LAMA3: variants seen among roughly 807,000 people sequenced by gnomAD.
LAMA3 encodes laminin subunit alpha 3.
A neutral mutation model predicts 402.0 loss-of-function variants in LAMA3; 281 were observed. That is an observed-to-expected ratio of 0.70 (90% CI 0.63 to 0.77). LAMA3 has a LOEUF of 0.77. Among genes scored for constraint, LAMA3 ranks in the 30% least tolerant of loss-of-function variants. The probability of loss-of-function intolerance (pLI) is 0.00; values close to 1 mark genes in which losing one functional copy is unlikely to be tolerated. For missense variants in LAMA3, 3,840 were observed against 4,215.5 expected, an observed-to-expected ratio of 0.91 and a Z score of 2.47; for synonymous variants, 1,431 against 1,558.4, an observed-to-expected ratio of 0.92 and a Z score of 1.93.
rs201657216 is a variant in LAMA3, at chr18:23,840,377, C to CTTTTTTTTTTTTTTTTTTTTTTTTTT, written c.3336+451_3336+452insTTTTTTTTTTTTTTTTTTTTTTTTTT. Among the ~76,000 whole-genome samples, 4 of 79,514 alleles carry CTTTTTTTTTTTTTTTTTTTTTTTTTT rather than the reference C, an allele frequency of 5.0e-5. 2 individuals are homozygous for CTTTTTTTTTTTTTTTTTTTTTTTTTT. The highest frequency in any genetic ancestry group is 1.2e-4 in the African/African-American group (2 of 17,258). The allele number at this position is 79,514 out of a possible 152,430, so 52.2% of individuals were successfully genotyped here. ...ATAGTTATTGTAGCCAAGAACCTTT[C>CTTTTTTTTTTTTTTTTTTTTTTTTTT]TTTCTTTTTTTTTTTTTTTTTTTGA... On this transcript the variant is annotated intron_variant, in intron 27 of 74. Transcript: ENST00000313654.
intron 67 of LAMA3, among the ~76,000 whole-genome samples, chr18:23,937,320 C>T (rs968591730): frequency 1.4e-5 from 2 of 141,650 alleles, no homozygotes; most frequent in African/African-American, 5.4e-5. Context: ...GAGCTGAGAT[C>T]GCGCCACTGC....
At chr18:23,881,854 A>G in intron 39 of LAMA3, 82 bp from the exon 40 acceptor site, 3 of 881,150 alleles carry the variant, frequency 3.4e-6, no homozygotes, top group Non-Finnish European at 5.6e-6. Context: ...AGTTGTAGTC[A>G]TGTGACTAAG....
chr18:23,747,659 A>C (rs543499616), intron 2 of LAMA3, among the ~76,000 whole-genome samples: 1 of 152,140 alleles, frequency 6.6e-6, no homozygotes, highest in Non-Finnish European at 1.5e-5. Context: ...GATACACTGT[A>C]GACTGGTTGC....
At chr18:23,853,220 C>G (rs1484017598) in intron 32 of LAMA3, among the ~76,000 whole-genome samples, 1 of 152,132 alleles carries the variant, frequency 6.6e-6, no homozygotes, top group Non-Finnish European at 1.5e-5. Context: ...ATTTTGGGCT[C>G]TAGGTTAAAA....
At chr18:23,751,420 T>A (rs2061751087) in intron 5 of LAMA3, among the ~76,000 whole-genome samples, 1 of 152,196 alleles carries the variant, frequency 6.6e-6, no homozygotes, top group Non-Finnish European at 1.5e-5. Context: ...TTCTTGCTCC[T>A]ATTACAGTTT....
chr18:23,690,886 T>TATTG (rs2060575241), intron 1 of LAMA3, among the ~76,000 whole-genome samples: 1 of 141,992 alleles, frequency 7.0e-6, no homozygotes, highest in Admixed American at 6.8e-5. Context: ...TTTATTTATT[T>TATTG]ATTTATTTAT....
At chr18:23,843,971 T>C (rs534266045) in intron 29 of LAMA3, among the ~76,000 whole-genome samples, 1 of 152,342 alleles carries the variant, frequency 6.6e-6, no homozygotes, top group South Asian at 2.1e-4. Context: ...AATTTGTCTT[T>C]CTGCAAAGCC....
intron 2 of LAMA3, among the ~76,000 whole-genome samples, chr18:23,742,824 G>T (rs1330541756): frequency 6.6e-6 from 1 of 152,156 alleles, no homozygotes; most frequent in Admixed American, 6.5e-5. Flanking sequence ...ATTATGAAAT[G>T]CTACCTTGTG....
intron 7 of LAMA3, among the ~76,000 whole-genome samples, chr18:23,761,250 T>C (rs1202999690): frequency 6.6e-6 from 1 of 152,228 alleles, no homozygotes; most frequent in African/African-American, 2.4e-5. Context: ...TGCTGAGAAC[T>C]ATGCTCTATT....
At position 23,905,574 on chromosome 18, in the gene LAMA3, G is replaced by A; in HGVS notation, c.6668G>A (p.Ser2223Asn). ...PRKAKTLSSN[S>N]DKLLNEAKMT... ...AAAGCTAAAACCCTGAGTTCCAACA[G>A]TGATAAACTGTTAAATGAAGCCAAG... Residue 2223 changes from serine to asparagine, a missense_variant, in exon 52 of 75, where the codon AGT becomes AAT. Physicochemically the swap from Ser to Asn is conservative, Grantham distance 46. Transcript: ENST00000313654. 1.2e-6 allele frequency: 2 copies of A among 1,612,152 alleles called. No homozygotes were observed. Among genetic ancestry groups the A allele is most frequent in the Non-Finnish European group, 1.7e-6 (2 of 1,178,626 alleles).
rs187379959 is a variant in LAMA3 at position 23,867,335 on chromosome 18, T to C, written c.4684-499T>C. Among the ~76,000 whole-genome samples the C allele has an allele frequency of 4.5e-3, 687 of 152,168 alleles. 20 individuals carry two copies. Among genetic ancestry groups the C allele is most frequent in the Admixed American group, 0.042 (645 of 15,286 alleles). On this transcript the variant is annotated intron_variant, in intron 36 of 74. Transcript: ENST00000313654. ...ACTGCGGGAGGCCAAGACAGGTGGATCACTTGAGGTCAGGAGTTTGATACC... is the reference window on the plus strand; with the variant it reads ...ACTGCGGGAGGCCAAGACAGGTGGACCACTTGAGGTCAGGAGTTTGATACC...
chr18:23,802,371 C>A (rs942066856), intron 12 of LAMA3, among the ~76,000 whole-genome samples: 2 of 152,186 alleles, frequency 1.3e-5, no homozygotes, highest in African/African-American at 2.4e-5. Flanking sequence ...CACAAATCTT[C>A]ATTCTTGAAG....
Position 23,735,170 on chromosome 18 carries a change from C to G in LAMA3, c.448-12773C>G, listed in dbSNP as rs1277829572. On this transcript the variant is annotated intron_variant, in intron 2 of 74. Coordinates refer to ENST00000313654, the MANE Select transcript of LAMA3 (RefSeq NM_198129.4). ...CCCACTGGCAATTGCATTTATGAGG[C>G]TCTCCCCGTTGTGCCATCTTCTCTC... is the stretch of plus-strand genomic sequence containing the variant. 2.0e-5 allele frequency among the ~76,000 whole-genome samples: 3 copies of G among 152,338 alleles called. No homozygotes were observed. The South Asian group carries it at 6.2e-4, about 32-fold the overall frequency.
intron 2 of LAMA3, among the ~76,000 whole-genome samples, chr18:23,721,644 C>G (rs2061215040): frequency 6.6e-6 from 1 of 152,172 alleles, no homozygotes; most frequent in African/African-American, 2.4e-5. Flanking sequence ...ACTTCCCTCT[C>G]CCTCCCCACT....
In LAMA3 at chr18:23,916,606, C is replaced by T. The variant is rs1056197234; in HGVS notation, c.7834C>T (p.Pro2612Ser). The change falls in exon 60 of 75, where the codon CCA becomes TCA. Residue 2612 changes from proline to serine, a missense_variant. Physicochemically the swap from Pro to Ser is moderately conservative, Grantham distance 74. Coordinates refer to ENST00000313654, the MANE Select transcript of LAMA3 (RefSeq NM_198129.4). The part of the protein sequence containing the change: ...YFEGTGYARV[P>S]TQPHAPIPTF... Reference sequence around the variant, plus strand: ...TGAAGGTACGGGCTATGCTCGAGTTCCAACTCAACCACATGCTCCCATCCC... The same window carrying T: ...TGAAGGTACGGGCTATGCTCGAGTTTCAACTCAACCACATGCTCCCATCCC... The T allele has an allele frequency of 1.9e-6, 3 of 1,614,054 alleles. No individual in the cohort carries two copies. The highest frequency in any genetic ancestry group is 2.5e-6 in the Non-Finnish European group (3 of 1,179,922).
At chr18:23,737,080 C>T (rs1170604543) in intron 2 of LAMA3, among the ~76,000 whole-genome samples, 5 of 152,026 alleles carry the variant, frequency 3.3e-5, no homozygotes, top group African/African-American at 7.3e-5. Context: ...CCCCCAGGCT[C>T]GCTGGGTGTG....
chr18:23,841,697 A>G (rs1334162946), intron 27 of LAMA3, among the ~76,000 whole-genome samples: 1 of 152,168 alleles, frequency 6.6e-6, no homozygotes, highest in African/African-American at 2.4e-5. Flanking sequence ...CCAAGGCGGC[A>G]GTATTGCTTG....
rs1417223597 is a variant in LAMA3 at position 23,915,373 on chromosome 18, T to A, written c.7729T>A (p.Phe2577Ile). The A allele has an allele frequency of 6.2e-7, 1 of 1,613,758 alleles. No individual in the cohort carries two copies. The highest frequency in any genetic ancestry group is 8.5e-7 in the Non-Finnish European group (1 of 1,179,834). The change falls in exon 59 of 75, where the codon TTC becomes ATC. Residue 2577 changes from phenylalanine to isoleucine, a missense_variant. This residue lies in a region of LAMA3 where 840 missense variants were observed against 981.9 expected (regional missense o/e 0.86). Coordinates refer to ENST00000313654, the MANE Select transcript of LAMA3 (RefSeq NM_198129.4). ...TGAAAATGTTCTGAGCTTGTACAAC[T>A]TCAAAAAAACATTCAATCTCAACAC... is the stretch of plus-strand genomic sequence containing the variant. ...LNENVLSLYN[F>I]KKTFNLNTTE...
At chr18:23,804,488 G>C (rs558386852) in intron 12 of LAMA3, among the ~76,000 whole-genome samples, 2 of 152,316 alleles carry the variant, frequency 1.3e-5, no homozygotes, top group African/African-American at 4.8e-5. Flanking sequence ...TAAGTCTAGA[G>C]TAGTTGCTAC....
Sources: allele counts gnomAD v4.1 joint callset (sites outside exome capture counted in the v4.1 genomes callset), GRCh38; gene constraint gnomAD v4.1.1; regional missense constraint gnomAD v4.1.1; transcripts MANE v1.5; gene names NCBI Gene and HGNC (gene_info 2026-07-23, HGNC 2026-07-21).